The following GSTA2 variants were observed in gnomAD, a reference collection of about 807,000 sequenced individuals.
The protein encoded by GSTA2 is glutathione S-transferase A2.
GSTA2 carries 27 observed loss-of-function variants against 22.4 expected under a neutral mutation model. That is an observed-to-expected ratio of 1.21 (90% CI 0.89 to 1.67). The LOEUF (loss-of-function observed/expected upper bound fraction) is 1.67. Among genes scored for constraint, GSTA2 ranks in the 40% most tolerant of loss-of-function variants. GSTA2 has a pLI of 0.00. For synonymous variants in GSTA2, 121 were observed against 86.8 expected (o/e 1.39, Z -2.19); for missense variants, 302 against 260.2 (o/e 1.16, Z -1.11).
intron 1 of GSTA2, among the ~76,000 whole-genome samples, chr6:52,760,120 G>A (rs1762928563): frequency 6.6e-6 from 1 of 152,130 alleles, no homozygotes; most frequent in African/African-American, 2.4e-5. Flanking sequence ...AGCATAATTC[G>A]ACAGAATGAA....
intron 4 of GSTA2, among the ~76,000 whole-genome samples, chr6:52,754,642 G>C (rs868626959): frequency 1.3e-5 from 2 of 152,114 alleles, no homozygotes; most frequent in Admixed American, 6.5e-5. Flanking sequence ...GAAGTCCTGA[G>C]CACCTGGAAA....
chr6:52,753,056 A>G, intron 4 of GSTA2, 61 bp from the exon 5 acceptor site: 1 of 1,504,228 alleles, frequency 6.6e-7, no homozygotes, highest in Non-Finnish European at 9.0e-7. Context: ...ATAGGTTTAT[A>G]AAAACCTAAG....
rs771389883 is a variant in GSTA2 at position 52,757,911 on chromosome 6, G to A, written c.37C>T (p.Arg13Trp). The part of the protein sequence containing the change: ...EKPKLHYSNI[R>W]GRMESIRWLL... ...CACCGGATGGACTCCATTCTGCCCCGTATATTGGAGTAGTGGAGCTTGGGC... is the reference window on the plus strand; with the variant it reads ...CACCGGATGGACTCCATTCTGCCCCATATATTGGAGTAGTGGAGCTTGGGC... The change falls in exon 2 of 7, where the codon CGG becomes TGG. Residue 13 changes from arginine (R) to tryptophan (W), a missense_variant. Physicochemically the swap from Arg to Trp is moderately radical, Grantham distance 101. Transcript: ENST00000493422. The A allele has an allele frequency of 5.6e-6, 9 of 1,613,556 alleles. No individual in the cohort carries two copies. Among genetic ancestry groups the A allele is most frequent in the Middle Eastern group, 1.6e-4 (1 of 6,076 alleles).
At chr6:52,758,543 C>T (rs1561896896) in intron 1 of GSTA2, among the ~76,000 whole-genome samples, 1 of 152,132 alleles carries the variant, frequency 6.6e-6, no homozygotes, top group Non-Finnish European at 1.5e-5. Flanking sequence ...ATGAACTGGC[C>T]ATGAAACCAG....
At chr6:52,754,005 A>G (rs1433539458) in intron 4 of GSTA2, among the ~76,000 whole-genome samples, 1 of 152,190 alleles carries the variant, frequency 6.6e-6, no homozygotes, top group East Asian at 1.9e-4. Context: ...CGTGTATTTT[A>G]TGTAACATGT....
intron 1 of GSTA2, among the ~76,000 whole-genome samples, chr6:52,762,580 G>A (rs577015218): frequency 2.8e-4 from 43 of 152,276 alleles, no homozygotes; most frequent in African/African-American, 9.9e-4. Flanking sequence ...CTATTGTCCT[G>A]CCACATCCCC....
In GSTA2 at chr6:52,756,049, A is replaced by G. The variant is rs116491514; in HGVS notation, c.139+209T>C. ...AGGGGTGGGAGATTGTTCCTCTAGC[A>G]AATACTCTGAGAGGTCTGGTCCTTT... On this transcript the variant is annotated intron_variant, in intron 3 of 6. Coordinates refer to ENST00000493422, the MANE Select transcript of GSTA2 (RefSeq NM_000846.5). 9.4e-3 allele frequency among the ~76,000 whole-genome samples: 1,430 copies of G among 152,274 alleles called. 27 individuals carry two copies. Among genetic ancestry groups the G allele is most frequent in the African/African-American group, 0.033 (1,377 of 41,558 alleles).
chr6:52,752,212 T>C (rs73435234), intron 5 of GSTA2, among the ~76,000 whole-genome samples: 2,050 of 152,326 alleles, frequency 0.013, 49 homozygotes, highest in African/African-American at 0.046. Context: ...CCCTGAGATC[T>C]GTAGGAAACC....
chr6:52,751,610 G>C lies in GSTA2; in HGVS notation c.513C>G (p.Asp171Glu). The C allele has an allele frequency of 6.2e-7, 1 of 1,614,126 alleles. No individual in the cohort carries two copies. The highest frequency in any genetic ancestry group is 8.5e-7 in the Non-Finnish European group (1 of 1,180,012). The change falls in exon 6 of 7, where the codon GAC becomes GAG. Residue 171 changes from aspartate to glutamate, a missense_variant. Physicochemically the swap from Asp to Glu is conservative, Grantham distance 45. Coordinates refer to ENST00000493422, the MANE Select transcript of GSTA2 (RefSeq NM_000846.5). ...GAGGGAAGCTGGAAATAAGGCTAGA[G>C]TCAAGCTCTTCCACGTAGTAGAGAA... ...VELLYYVEEL[D>E]SSLISSFPLL...
chr6:52,755,188 T>G (rs2127287160), intron 3 of GSTA2, 113 bp from the exon 4 acceptor site: 1 of 1,350,132 alleles, frequency 7.4e-7, no homozygotes, highest in Non-Finnish European at 1.0e-6. Context: ...AAGAAATTAC[T>G]GCCTGGTAAG....
At chr6:52,760,109 T>C (rs914729830) in intron 1 of GSTA2, among the ~76,000 whole-genome samples, 13 of 152,174 alleles carry the variant, frequency 8.5e-5, no homozygotes, top group Non-Finnish European at 1.5e-4. Flanking sequence ...GAAATGGAAA[T>C]AGCATAATTC....
intron 5 of GSTA2, 76 bp downstream of exon 5, chr6:52,752,778 C>T (rs1167468121): frequency 6.3e-7 from 1 of 1,579,048 alleles, no homozygotes; most frequent in East Asian, 2.2e-5. Flanking sequence ...AGATCAGTGC[C>T]CCAGGAATGC....
chr6:52,758,352 C>G (rs770209687), intron 1 of GSTA2, among the ~76,000 whole-genome samples: 2 of 152,188 alleles, frequency 1.3e-5, no homozygotes, highest in East Asian at 3.8e-4. Context: ...TATTTTATAT[C>G]TTTAACCCTC....
chr6:52,757,893 T>A lies in GSTA2; in HGVS notation c.55A>T (p.Ile19Phe). ...CCAGCTGCAGCCAGGAGCCACCGGA[T>A]GGACTCCATTCTGCCCCGTATATTG... ...YSNIRGRMESIRWLLAAAGVE... is the reference protein window; with the variant it reads ...YSNIRGRMESFRWLLAAAGVE... Residue 19 changes from isoleucine to phenylalanine, a missense_variant, in exon 2 of 7, where the codon ATC (isoleucine) becomes TTC (phenylalanine). Ile to Phe is a conservative substitution (Grantham distance 21). Coordinates refer to ENST00000493422, the MANE Select transcript of GSTA2 (RefSeq NM_000846.5). 3 of 1,613,772 alleles carry A rather than the reference T, an allele frequency of 1.9e-6. No homozygotes were observed. In the South Asian group the frequency reaches 3.3e-5, roughly 18 times the overall value.
At chr6:52,755,769 C>T (rs939330060) in intron 3 of GSTA2, among the ~76,000 whole-genome samples, 6 of 151,472 alleles carry the variant, frequency 4.0e-5, no homozygotes, top group Non-Finnish European at 2.9e-5. Flanking sequence ...ATATTTAAGG[C>T]AGGTTCTGAG....
chr6:52,758,284 G>T (rs1054295476), intron 1 of GSTA2, among the ~76,000 whole-genome samples: 1 of 152,110 alleles, frequency 6.6e-6, no homozygotes, highest in African/African-American at 2.4e-5. Context: ...AAGAATTCAA[G>T]AACTAATATT....
At chr6:52,751,500 C>G in intron 6 of GSTA2, 77 bp downstream of exon 6, 1 of 1,607,308 alleles carries the variant, frequency 6.2e-7, no homozygotes, top group Non-Finnish European at 8.5e-7. Context: ...AAAACATGCT[C>G]AGTCCCAGGG....
intron 1 of GSTA2, among the ~76,000 whole-genome samples, chr6:52,761,597 A>C (rs1762951366): frequency 6.6e-6 from 1 of 150,430 alleles, no homozygotes; most frequent in East Asian, 1.9e-4. Flanking sequence ...GATATTCACT[A>C]ATCAGCCCAC....
intron 4 of GSTA2, 82 bp downstream of exon 4, chr6:52,754,861 C>G: frequency 1.3e-6 from 2 of 1,586,074 alleles, no homozygotes; most frequent in Non-Finnish European, 8.6e-7. Flanking sequence ...TCTTGATACC[C>G]TGCCATGGTC....
Sources: allele counts gnomAD v4.1 joint callset (sites outside exome capture counted in the v4.1 genomes callset), GRCh38; gene constraint gnomAD v4.1.1; transcripts MANE v1.5; gene names NCBI Gene and HGNC (gene_info 2026-07-23, HGNC 2026-07-21).